SGCD: variants seen among roughly 807,000 people sequenced by gnomAD.
SGCD encodes delta-sarcoglycan.
A neutral mutation model predicts 36.6 loss-of-function variants in SGCD; 18 were observed. That is an observed-to-expected ratio of 0.49 (90% CI 0.34 to 0.73). The LOEUF (loss-of-function observed/expected upper bound fraction) is 0.73, where lower values mean the gene tolerates loss of function less well. Among genes scored for constraint, SGCD ranks in the 30% least tolerant of loss-of-function variants. The probability of loss-of-function intolerance (pLI) is 0.01; values close to 1 mark genes in which losing one functional copy is unlikely to be tolerated. For synonymous variants in SGCD, 133 were observed against 130.6 expected (o/e 1.02, Z -0.12); for missense variants, 387 against 346.7 (o/e 1.12, Z -0.92).
At chr5:155,929,640 A>G (rs937973160) in intron 1 of SGCD, among the ~76,000 whole-genome samples, 2 of 152,076 alleles carry the variant, frequency 1.3e-5, no homozygotes, top group African/African-American at 4.8e-5. Flanking sequence ...CGCTCTGTAA[A>G]ACTTCTGATG....
intron 7 of SGCD, among the ~76,000 whole-genome samples, chr5:156,702,924 C>G (rs896044822): frequency 1.3e-5 from 2 of 152,204 alleles, no homozygotes; most frequent in African/African-American, 4.8e-5. Context: ...TACTATCTCC[C>G]TCCAGAGCAA....
chr5:156,552,204 T>C (rs1758827389), intron 4 of SGCD, among the ~76,000 whole-genome samples: 1 of 152,178 alleles, frequency 6.6e-6, no homozygotes, highest in African/African-American at 2.4e-5. Context: ...TGTATTTCCC[T>C]CTTTATTTCC....
chr5:156,286,223 A>C (rs368906900), intron 3 of SGCD, among the ~76,000 whole-genome samples: 6 of 151,798 alleles, frequency 4.0e-5, no homozygotes, highest in Non-Finnish European at 8.8e-5. Context: ...TATACTGTTG[A>C]TGGGACTGTA....
chr5:156,075,192 C>T (rs995741980), intron 1 of SGCD, among the ~76,000 whole-genome samples: 1 of 147,258 alleles, frequency 6.8e-6, no homozygotes, highest in South Asian at 2.1e-4. Flanking sequence ...GTCAAATTTA[C>T]AAAAAAAAAA....
At chr5:156,067,795 C>T (rs1338395228) in intron 1 of SGCD, among the ~76,000 whole-genome samples, 25 of 138,446 alleles carry the variant, frequency 1.8e-4, no homozygotes, top group South Asian at 4.3e-4. Flanking sequence ...CGCTCTGCTT[C>T]GGCTCGCGCA....
rs566031293 is a variant in SGCD at position 155,987,753 on chromosome 5, A to G, written c.-282+117329A>G. On this transcript the variant is annotated intron_variant, in intron 1 of 9. Transcript: ENST00000517913. ...ACACTCCATTCTTCCTCTTATTTTT[A>G]TCAGGCAAACTCCTATTCTTCTTTC... Among the ~76,000 whole-genome samples the G allele has an allele frequency of 3.2e-4, 49 of 152,170 alleles. 2 individuals carry two copies. Among genetic ancestry groups the G allele is most frequent in the East Asian group, 3.1e-3 (16 of 5,178 alleles).
intron 3 of SGCD, among the ~76,000 whole-genome samples, chr5:156,159,284 A>C (rs1280129821): frequency 6.6e-6 from 1 of 151,722 alleles, no homozygotes; most frequent in African/African-American, 2.4e-5. Context: ...TTAAAGAACA[A>C]AATTACGTAG....
chr5:156,244,320 T>C (rs1765387055), intron 3 of SGCD, among the ~76,000 whole-genome samples: 1 of 152,196 alleles, frequency 6.6e-6, no homozygotes, highest in Non-Finnish European at 1.5e-5. Flanking sequence ...AGGGCAATAG[T>C]GTCCTTTTGC....
At chr5:156,624,919 A>C (rs1255639955) in intron 6 of SGCD, among the ~76,000 whole-genome samples, 1 of 152,222 alleles carries the variant, frequency 6.6e-6, no homozygotes, top group Non-Finnish European at 1.5e-5. Flanking sequence ...TCACATCTGC[A>C]TGGTAGCATT....
At chr5:156,123,312 C>T (rs4276391) in intron 2 of SGCD, among the ~76,000 whole-genome samples, 1 of 152,042 alleles carries the variant, frequency 6.6e-6, no homozygotes, top group Non-Finnish European at 1.5e-5. Flanking sequence ...GGACTGAGCC[C>T]TAAGATCTCC....
intron 3 of SGCD, among the ~76,000 whole-genome samples, chr5:156,220,833 T>C (rs1165832185): frequency 2.0e-5 from 3 of 152,156 alleles, no homozygotes; most frequent in Non-Finnish European, 4.4e-5. Context: ...GCTTTATTTC[T>C]TCCTTTAACT....
intron 6 of SGCD, among the ~76,000 whole-genome samples, chr5:156,617,110 A>G (rs1027726950): frequency 6.6e-6 from 1 of 152,228 alleles, no homozygotes; most frequent in Non-Finnish European, 1.5e-5. Context: ...AAGCTTTATG[A>G]TAGCAGGAAG....
At chr5:156,185,747 A>C (rs1452028192) in intron 3 of SGCD, among the ~76,000 whole-genome samples, 2 of 150,640 alleles carry the variant, frequency 1.3e-5, no homozygotes, top group Non-Finnish European at 3.0e-5. Flanking sequence ...GGACCTCAAC[A>C]AATGTCACTT....
intron 3 of SGCD, among the ~76,000 whole-genome samples, chr5:156,381,838 A>G (rs1471965821): frequency 1.3e-5 from 2 of 152,136 alleles, no homozygotes; most frequent in African/African-American, 4.8e-5. Flanking sequence ...TGTGAACTTG[A>G]GTAAGTTACT....
chr5:156,626,111 A>T (rs1369567182), intron 6 of SGCD, among the ~76,000 whole-genome samples: 1 of 152,176 alleles, frequency 6.6e-6, no homozygotes, highest in East Asian at 1.9e-4. Flanking sequence ...CCTACAGTGC[A>T]CAAGACAGCC....
chr5:156,633,412 T>A (rs1226658025), intron 6 of SGCD, among the ~76,000 whole-genome samples: 1 of 152,140 alleles, frequency 6.6e-6, no homozygotes, highest in Admixed American at 6.5e-5. Context: ...ATGAAGAGAT[T>A]GATGGAATCT....
chr5:156,498,298 T>A (rs1756292382), intron 3 of SGCD, among the ~76,000 whole-genome samples: 1 of 152,114 alleles, frequency 6.6e-6, no homozygotes, highest in Non-Finnish European at 1.5e-5. Context: ...AGGGTTATAT[T>A]TGTATGCTGT....
intron 3 of SGCD, among the ~76,000 whole-genome samples, chr5:156,361,166 G>C (rs1217665695): frequency 1.3e-5 from 2 of 152,206 alleles, no homozygotes; most frequent in African/African-American, 4.8e-5. Flanking sequence ...GTAGTTGCTT[G>C]TTCATGCGCT....
intron 6 of SGCD, among the ~76,000 whole-genome samples, chr5:156,621,865 C>G (rs1332501603): frequency 1.3e-5 from 2 of 152,168 alleles, no homozygotes; most frequent in Non-Finnish European, 2.9e-5. Context: ...GTTCTCATCT[C>G]TTTGTGTGTC....
Sources: allele counts gnomAD v4.1 joint callset (sites outside exome capture counted in the v4.1 genomes callset), GRCh38; gene constraint gnomAD v4.1.1; transcripts MANE v1.5; gene names NCBI Gene and HGNC (gene_info 2026-07-23, HGNC 2026-07-21).